NRXN3: variants seen among roughly 807,000 people sequenced by gnomAD.
NRXN3 encodes the protein neurexin III.
In NRXN3, 32 loss-of-function variants were observed where a neutral mutation model predicts 137.6. That is an observed-to-expected ratio of 0.23 (90% confidence interval 0.18 to 0.31). The LOEUF (loss-of-function observed/expected upper bound fraction) is 0.31. Ranked by LOEUF, NRXN3 falls within the 10% of genes least tolerant of loss-of-function variation. The pLI is 1.00. For missense variants in NRXN3, 1,574 were observed against 2,062.5 expected (o/e 0.76, Z 4.59); for synonymous variants, 798 against 784.5 (o/e 1.02, Z -0.29).
At chr14:79,849,352 A>T (rs943487673) in intron 20 of NRXN3, among the ~76,000 whole-genome samples, 1 of 152,238 alleles carries the variant, frequency 6.6e-6, no homozygotes, top group South Asian at 2.1e-4. Flanking sequence ...TGCAAACCAT[A>T]TATCTAGTAA....
chr14:79,300,875 C>T (rs74067996), intron 15 of NRXN3, among the ~76,000 whole-genome samples: 1 of 151,938 alleles, frequency 6.6e-6, no homozygotes, highest in African/African-American at 2.4e-5. Context: ...CTGAGTTGGA[C>T]CTTCACAGAA....
intron 20 of NRXN3, among the ~76,000 whole-genome samples, chr14:79,839,093 T>C (rs964644167): frequency 5.3e-5 from 8 of 152,016 alleles, no homozygotes; most frequent in African/African-American, 2.4e-5. Context: ...AGTAGACAGG[T>C]TGTTTCAACA....
At chr14:79,083,762 T>G (rs1356823779) in intron 15 of NRXN3, among the ~76,000 whole-genome samples, 1 of 152,114 alleles carries the variant, frequency 6.6e-6, no homozygotes, top group Non-Finnish European at 1.5e-5. Flanking sequence ...TGTAGAGAAG[T>G]GTAGGAAAAG....
At chr14:79,013,311 A>G (rs919247142) in intron 15 of NRXN3, among the ~76,000 whole-genome samples, 2 of 152,166 alleles carry the variant, frequency 1.3e-5, no homozygotes, top group Admixed American at 6.5e-5. Context: ...AATTTATTCT[A>G]TGTGTATCTA....
intron 4 of NRXN3, among the ~76,000 whole-genome samples, chr14:78,555,920 A>G (rs1249041928): frequency 6.6e-6 from 1 of 152,240 alleles, no homozygotes; most frequent in Non-Finnish European, 1.5e-5. Context: ...TCTTTTTAAC[A>G]AAATGAATAA....
intron 17 of NRXN3, among the ~76,000 whole-genome samples, chr14:79,670,563 A>G (rs942672140): frequency 1.3e-5 from 2 of 152,080 alleles, no homozygotes; most frequent in African/African-American, 4.8e-5. Context: ...AAAAAAAGAA[A>G]GTACTGGCTA....
chr14:78,403,809 G>A, intron 4 of NRXN3: 1 of 985,426 alleles, frequency 1.0e-6, no homozygotes, highest in Non-Finnish European at 1.2e-6. Context: ...TGCCCCCTGA[G>A]GTTGTGCTTT....
rs528767418 is a variant in NRXN3, at chr14:78,843,151, A to G, written c.2275+32807A>G. Among the ~76,000 whole-genome samples the G allele has an allele frequency of 2.0e-5, 3 of 152,298 alleles. No individual in the cohort carries two copies. In the East Asian group the frequency reaches 5.8e-4, roughly 29 times the overall value. ...CATGAAATCTTCACAATTTATGTTCAGAGATTGCAGTAAAGACAAGTGTAA... is the reference window on the plus strand; with the variant it reads ...CATGAAATCTTCACAATTTATGTTCGGAGATTGCAGTAAAGACAAGTGTAA... On this transcript the variant is annotated intron_variant, in intron 10 of 20. Coordinates refer to ENST00000335750, the MANE Select transcript of NRXN3 (RefSeq NM_001330195.2).
chr14:78,614,089 G>A (rs1433128525), intron 4 of NRXN3, among the ~76,000 whole-genome samples: 1 of 152,178 alleles, frequency 6.6e-6, no homozygotes, highest in African/African-American at 2.4e-5. Flanking sequence ...AGAGCTGTTT[G>A]TTACTAATCC....
At chr14:78,172,653 G>C (rs1007253652) in intron 1 of NRXN3, among the ~76,000 whole-genome samples, 12 of 152,016 alleles carry the variant, frequency 7.9e-5, no homozygotes, top group African/African-American at 7.3e-5. Context: ...CCTTCTGGAA[G>C]GGGGGGAAAA....
intron 16 of NRXN3, among the ~76,000 whole-genome samples, chr14:79,529,555 T>C (rs2097151600): frequency 6.6e-6 from 1 of 152,266 alleles, no homozygotes. Flanking sequence ...GGCTAAGTCA[T>C]GTACTTAACT....
intron 4 of NRXN3, among the ~76,000 whole-genome samples, chr14:78,442,106 A>G (rs1410782889): frequency 2.6e-5 from 4 of 151,512 alleles, no homozygotes; most frequent in Non-Finnish European, 4.4e-5. Flanking sequence ...AAAAAGAAAA[A>G]AAAAAAAAAA....
chr14:78,943,613 AAAAAAAAAATATATATATATATAT>A (rs1375690359), intron 10 of NRXN3, among the ~76,000 whole-genome samples: 5 of 30,998 alleles, frequency 1.6e-4, no homozygotes, highest in South Asian at 1.4e-3. Flanking sequence ...TCACTGTTAA[AAAAAAAAAATATATATATATATAT>A]ATATATATAT....
At chr14:79,752,563 T>C (rs1306209469) in intron 19 of NRXN3, among the ~76,000 whole-genome samples, 2 of 152,076 alleles carry the variant, frequency 1.3e-5, no homozygotes, top group African/African-American at 2.4e-5. Context: ...ATACAAAAAT[T>C]AATTCAAGAT....
chr14:79,055,746 A>C (rs1045559820), intron 15 of NRXN3, among the ~76,000 whole-genome samples: 4 of 152,170 alleles, frequency 2.6e-5, no homozygotes, highest in Admixed American at 2.6e-4. Flanking sequence ...CTGGATAAAT[A>C]AATTTTAAGT....
At chr14:78,473,236 A>G (rs1286507993) in intron 4 of NRXN3, among the ~76,000 whole-genome samples, 1 of 151,874 alleles carries the variant, frequency 6.6e-6, no homozygotes, top group Non-Finnish European at 1.5e-5. Context: ...CCTCGTCTCT[A>G]CTAAAAATAC....
chr14:78,783,562 C>A (rs931332425), intron 8 of NRXN3, among the ~76,000 whole-genome samples: 4 of 152,044 alleles, frequency 2.6e-5, no homozygotes, highest in Non-Finnish European at 4.4e-5. Context: ...GATTGATAAT[C>A]ATACCATGGT....
intron 14 of NRXN3, among the ~76,000 whole-genome samples, chr14:78,974,939 T>G (rs1042984741): frequency 1.1e-4 from 17 of 152,192 alleles, no homozygotes; most frequent in Admixed American, 2.0e-4. Flanking sequence ...GTGTAAGAAG[T>G]GACGTAATGA....
intron 15 of NRXN3, among the ~76,000 whole-genome samples, chr14:79,199,171 A>T (rs986288289): frequency 6.6e-6 from 1 of 152,114 alleles, no homozygotes; most frequent in Non-Finnish European, 1.5e-5. Context: ...TCTAAAAAAA[A>T]AAAAAAGCAA....
Sources: gnomAD v4.1 joint callset for allele counts (sites outside exome capture counted in the v4.1 genomes callset) on GRCh38, gnomAD v4.1.1 for gene constraint, MANE v1.5 for transcripts, NCBI Gene and HGNC (gene_info 2026-07-23, HGNC 2026-07-21) for gene names.